The following TP73 variants were observed in gnomAD, a reference collection of about 807,000 sequenced individuals.
The protein encoded by TP73 is p53-like transcription factor.
In TP73, 25 loss-of-function variants were observed where a neutral mutation model predicts 62.5. The ratio of observed to expected loss-of-function variants is 0.40; its 90% confidence interval spans 0.29 to 0.56. The LOEUF is 0.56. Among genes scored for constraint, TP73 ranks in the 20% least tolerant of loss-of-function variants. The pLI, the probability that TP73 is intolerant of heterozygous loss-of-function variation, is 0.46. For missense variants in TP73, 754 were observed against 913.3 expected, an observed-to-expected ratio of 0.83 and a Z score of 2.25; for synonymous variants, 423 against 377.5, an observed-to-expected ratio of 1.12 and a Z score of -1.40.
intron 6 of TP73, 31 bp from the exon 7 acceptor site, chr1:3,727,084 C>A: frequency 1.3e-6 from 2 of 1,589,896 alleles, no homozygotes; most frequent in Non-Finnish European, 1.7e-6. Flanking sequence ...CGTGCTGATG[C>A]TAGCCCCTCT....
chr1:3,728,871 AGGCAGGAGGATCACCTGAG>A (rs752347995), intron 9 of TP73, among the ~76,000 whole-genome samples: 70 of 152,280 alleles, frequency 4.6e-4, no homozygotes, highest in Non-Finnish European at 9.1e-4. Flanking sequence ...CAGAAGACTG[AGGCAGGAGGATCACCTGAG>A]GGCAGGAGGA....
chr1:3,698,171 G>C, intron 3 of TP73: 1 of 964,258 alleles, frequency 1.0e-6, no homozygotes, highest in Non-Finnish European at 1.2e-6. Flanking sequence ...TGGGCAGACA[G>C]ATGGGCAGGG....
At position 3,696,845 on chromosome 1, in the gene TP73, AC is replaced by A. The variant is rs1638705709; in HGVS notation, c.187-10700del. Reference sequence around the variant, plus strand: ...TGGAGATCCAGGGATCAGAGGAGCCACCCCACTCACCCGCCTGCTGTGCCTA... The same window carrying A: ...TGGAGATCCAGGGATCAGAGGAGCCACCCACTCACCCGCCTGCTGTGCCTA... On this transcript the variant is annotated intron_variant, in intron 3 of 13. Coordinates refer to ENST00000378295, the MANE Select transcript of TP73 (RefSeq NM_005427.4). This position sits in a 1 kb window ranked among gnomAD's most constrained non-coding sequence, Gnocchi z 4.1. Among the ~76,000 whole-genome samples the A allele has an allele frequency of 6.6e-6, 1 of 152,028 alleles. No homozygotes were observed. Among genetic ancestry groups the A allele is most frequent in the East Asian group, 1.9e-4 (1 of 5,158 alleles).
At chr1:3,655,352 A>G (rs922344653) in intron 1 of TP73, among the ~76,000 whole-genome samples, 2 of 152,128 alleles carry the variant, frequency 1.3e-5, no homozygotes, top group Non-Finnish European at 2.9e-5. Context: ...ACCCCACTGC[A>G]CTCCAGCCCG....
chr1:3,730,283 C>A, intron 11 of TP73, 135 bp downstream of exon 11: 2 of 1,124,834 alleles, frequency 1.8e-6, no homozygotes, highest in South Asian at 4.4e-5. Context: ...CGGTTCCACC[C>A]TCTGGGCAGG....
At chr1:3,698,606 T>TG (rs1638876867) in intron 3 of TP73, among the ~76,000 whole-genome samples, 1 of 151,768 alleles carries the variant, frequency 6.6e-6, no homozygotes, top group Admixed American at 6.6e-5. Context: ...GAGAAGGGTC[T>TG]GGGGGAGGAG....
intron 2 of TP73, among the ~76,000 whole-genome samples, 161 bp downstream of exon 2, chr1:3,682,591 T>C (rs1237745176): frequency 6.6e-6 from 1 of 152,106 alleles, no homozygotes; most frequent in African/African-American, 2.4e-5. Flanking sequence ...TGGGCTAAAC[T>C]TGGCAACCCT....
chr1:3,695,568 C>T (rs1000821340), intron 3 of TP73, among the ~76,000 whole-genome samples: 2 of 152,234 alleles, frequency 1.3e-5, no homozygotes, highest in South Asian at 2.1e-4. Flanking sequence ...CTTTGGACAC[C>T]CCCACTCCCG....
intron 3 of TP73, among the ~76,000 whole-genome samples, chr1:3,689,821 G>A (rs544709130): frequency 3.3e-5 from 5 of 152,122 alleles, no homozygotes; most frequent in Admixed American, 3.3e-4. Context: ...GTGTGGGTCC[G>A]CAGGCCCCAG....
At chr1:3,707,840 G>T (rs1639802666) in intron 4 of TP73, 49 bp downstream of exon 4, 2 of 1,581,784 alleles carry the variant, frequency 1.3e-6, no homozygotes, top group Non-Finnish European at 1.7e-6. Flanking sequence ...CTGCGGGCTG[G>T]AGAGGAGGTG....
intron 4 of TP73, among the ~76,000 whole-genome samples, chr1:3,719,713 G>T (rs973230793): frequency 2.6e-5 from 4 of 152,104 alleles, no homozygotes; most frequent in Non-Finnish European, 5.9e-5. Context: ...ATTTGTAATG[G>T]TGGGGACACT....
At position 3,731,078 on chromosome 1, in the gene TP73, C is replaced by T. The variant is rs766999879; in HGVS notation, c.1484+13C>T. ...CCAGCCTCGTCAGGTGCGTGGGCTG[C>T]CGAGGGCCTGAGCATGTGCTGTCAC... On this transcript the variant is annotated intron_variant, in intron 12 of 13. Transcript: ENST00000378295. 6.2e-7 allele frequency: 1 copy of T among 1,608,172 alleles called. No homozygotes were observed. The highest frequency in any genetic ancestry group is 8.5e-7 in the Non-Finnish European group (1 of 1,177,290).
intron 4 of TP73, among the ~76,000 whole-genome samples, chr1:3,710,540 G>A (rs944631491): frequency 3.3e-5 from 5 of 152,162 alleles, no homozygotes; most frequent in East Asian, 1.9e-4. Flanking sequence ...CACGCCAGCC[G>A]GCTGGTAACT....
intron 6 of TP73, among the ~76,000 whole-genome samples, chr1:3,726,817 ATGGATGGATGGATAGATGGGTGGG>A (rs1200084359): frequency 7.6e-6 from 1 of 131,820 alleles, no homozygotes; most frequent in Non-Finnish European, 1.6e-5. Flanking sequence ...GGGGGAGTGG[ATGGATGGATGGATAGATGGGTGGG>A]TGGATGGATG....
At chr1:3,708,499 C>G (rs1639862309) in intron 4 of TP73, 1 of 152,556 alleles carries the variant, frequency 6.6e-6, no homozygotes, top group Non-Finnish European at 1.5e-5. Context: ...AGGGCTGACT[C>G]CATCACTGCT....
intron 4 of TP73, chr1:3,708,080 G>A (rs930169913): frequency 2.1e-5 from 11 of 518,150 alleles, no homozygotes; most frequent in Admixed American, 6.5e-5. Flanking sequence ...ACTGGCCAGC[G>A]GCTTCCCCAT....
At chr1:3,682,036 T>C (rs1645535495) in intron 1 of TP73, among the ~76,000 whole-genome samples, 1 of 152,172 alleles carries the variant, frequency 6.6e-6, no homozygotes, top group Admixed American at 6.5e-5. Flanking sequence ...TGTCACCCCC[T>C]CTTCCAAGGC....
At chr1:3,708,895 A>C (rs948628877) in intron 4 of TP73, among the ~76,000 whole-genome samples, 6 of 152,032 alleles carry the variant, frequency 3.9e-5, no homozygotes, top group South Asian at 4.1e-4. Context: ...CTCCCCGGGC[A>C]CAGCTCAGTG....
At chr1:3,658,416 T>A (rs1644912366) in intron 1 of TP73, among the ~76,000 whole-genome samples, 1 of 152,098 alleles carries the variant, frequency 6.6e-6, no homozygotes, top group African/African-American at 2.4e-5. Context: ...AGTAACCAGA[T>A]GGGAGCGGTG....
Sources: allele counts gnomAD v4.1 joint callset (sites outside exome capture counted in the v4.1 genomes callset), GRCh38; gene constraint gnomAD v4.1.1; non-coding constraint Gnocchi (gnomAD v3.1); transcripts MANE v1.5; gene names NCBI Gene and HGNC (gene_info 2026-07-23, HGNC 2026-07-21).